TBC1D14: variants seen among roughly 807,000 people sequenced by gnomAD.
TBC1D14 encodes the protein TBC1 domain family member 14, also known as TBC1 domain family, member 14.
Under a neutral mutation model 79.0 loss-of-function variants are expected in TBC1D14, and 26 were observed. That is an observed-to-expected ratio of 0.33 (90% CI 0.24 to 0.46). TBC1D14 has a LOEUF of 0.46. Ranked by LOEUF, TBC1D14 falls within the 20% of genes least tolerant of loss-of-function variation. TBC1D14 has a pLI of 1.00. For synonymous variants in TBC1D14, 394 were observed against 349.9 expected (o/e 1.13, Z -1.40); for missense variants, 769 against 887.6 (o/e 0.87, Z 1.70).
At chr4:6,956,479 C>T (rs1272246296) in intron 2 of TBC1D14, among the ~76,000 whole-genome samples, 1 of 152,238 alleles carries the variant, frequency 6.6e-6, no homozygotes, top group African/African-American at 2.4e-5. Context: ...GCTGATGGCT[C>T]CTGCGCACGC....
chr4:6,950,530 T>C (rs1053700026), intron 2 of TBC1D14, among the ~76,000 whole-genome samples: 1 of 152,238 alleles, frequency 6.6e-6, no homozygotes, highest in African/African-American at 2.4e-5. Flanking sequence ...TTAAGTGTGA[T>C]GTTTGCCATA....
intron 3 of TBC1D14, among the ~76,000 whole-genome samples, chr4:6,978,182 C>G (rs866259600): frequency 1.4e-5 from 2 of 147,902 alleles, no homozygotes; most frequent in Admixed American, 6.7e-5. Context: ...TCTGCCCGGC[C>G]GCCCCTACTG....
chr4:7,018,221 G>C (rs1028945500), intron 12 of TBC1D14, among the ~76,000 whole-genome samples: 1 of 152,166 alleles, frequency 6.6e-6, no homozygotes, highest in Non-Finnish European at 1.5e-5. Context: ...TGCCTGGCGG[G>C]GTATAAAGCA....
intron 11 of TBC1D14, 115 bp downstream of exon 11, chr4:7,010,896 GT>G: frequency 7.7e-7 from 1 of 1,292,866 alleles, no homozygotes; most frequent in Non-Finnish European, 1.1e-6. Context: ...GTGAAGAGAT[GT>G]TTAGAGTAAG....
chr4:7,000,588 C>A (rs1055898202), intron 6 of TBC1D14, among the ~76,000 whole-genome samples: 1 of 152,226 alleles, frequency 6.6e-6, no homozygotes, highest in Non-Finnish European at 1.5e-5. Flanking sequence ...CGTGTCCCAG[C>A]AGAGCTGAAG....
chr4:6,944,588 C>T (rs1380452408), intron 2 of TBC1D14, among the ~76,000 whole-genome samples: 3 of 152,234 alleles, frequency 2.0e-5, no homozygotes, highest in African/African-American at 7.2e-5. Context: ...AGCCCAGCCT[C>T]TGTTTTACAA....
At chr4:7,014,302 A>G in intron 11 of TBC1D14, 146 bp from the exon 12 acceptor site, 1 of 587,834 alleles carries the variant, frequency 1.7e-6, no homozygotes, top group South Asian at 2.0e-5. Flanking sequence ...TTTGAATAGT[A>G]CCTACAATAA....
In TBC1D14 at chr4:6,987,279, A is replaced by C. The variant is rs1265985538; in HGVS notation, c.844-6905A>C. 3.0e-6 allele frequency: 4 copies of C among 1,336,404 alleles called. No homozygotes were observed. The East Asian group carries it at 1.3e-4, about 42-fold the overall frequency. The allele number at this position is 1,336,404 out of a possible 1,614,324, so 82.8% of individuals were successfully genotyped here. A position where few individuals can be genotyped will look rare whatever the true frequency, so the allele number is the denominator to read the frequency against. Reference sequence around the variant, plus strand: ...CCCGCCCGCGGTCCGGGAGGGAGGGAGGGAGGCCGGCCCTCCGCTCGCTGG... The same window carrying C: ...CCCGCCCGCGGTCCGGGAGGGAGGGCGGGAGGCCGGCCCTCCGCTCGCTGG... On this transcript the variant is annotated intron_variant, in intron 3 of 13. Transcript: ENST00000409757.
intron 2 of TBC1D14, among the ~76,000 whole-genome samples, chr4:6,943,466 C>T (rs1027319741): frequency 2.0e-5 from 3 of 152,212 alleles, no homozygotes; most frequent in Admixed American, 6.5e-5. Flanking sequence ...GTGTGGCCTA[C>T]GGGGCGTGCA....
At position 7,014,541 on chromosome 4, in the gene TBC1D14, A is replaced by G. The variant is rs907882489; in HGVS notation, c.1741A>G (p.Ile581Val). 6.2e-7 allele frequency: 1 copy of G among 1,611,682 alleles called. No homozygotes were observed. The highest frequency in any genetic ancestry group is 1.3e-5 in the African/African-American group (1 of 74,890). The change falls in exon 12 of 14, where the codon ATC becomes GTC. Residue 581 changes from isoleucine (I) to valine (V), a missense_variant. This residue lies in a region of TBC1D14 where 367 missense variants were observed against 494.4 expected (regional missense o/e 0.74). Coordinates refer to ENST00000409757, the MANE Select transcript of TBC1D14 (RefSeq NM_020773.3). Reference protein sequence around the residue: ...HFKKNNLTPDIYLIDWIFTLY... With the variant: ...HFKKNNLTPDVYLIDWIFTLY... ...CAAGAAGAACAACCTAACTCCAGATATCTACCTAATTGATTGGTAAGACTG... is the reference window on the plus strand; with the variant it reads ...CAAGAAGAACAACCTAACTCCAGATGTCTACCTAATTGATTGGTAAGACTG...
chr4:6,962,192 A>G (rs1351136320), intron 2 of TBC1D14, among the ~76,000 whole-genome samples: 1 of 152,142 alleles, frequency 6.6e-6, no homozygotes, highest in Non-Finnish European at 1.5e-5. Flanking sequence ...GCCAGCACCT[A>G]GGCGCTGTGC....
At position 6,909,863 on chromosome 4, in the gene TBC1D14, C is replaced by T. The variant is rs1238812568; in HGVS notation, c.-106C>T. ...GACCCGCTGCCTACCGCGTGCCCGGCGTCCTCGTCGCGCGAGTTGCCGGTC... is the reference window on the plus strand; with the variant it reads ...GACCCGCTGCCTACCGCGTGCCCGGTGTCCTCGTCGCGCGAGTTGCCGGTC... On this transcript the variant is annotated 5_prime_UTR_variant, in exon 1 of 14. Transcript: ENST00000409757. The T allele has an allele frequency of 6.7e-6, 1 of 148,162 alleles. No individual in the cohort carries two copies. Among genetic ancestry groups the T allele is most frequent in the South Asian group, 2.1e-4 (1 of 4,834 alleles). The allele number at this position is 148,162 out of a possible 1,614,324, so 9.2% of individuals were successfully genotyped here. A position where few individuals can be genotyped will look rare whatever the true frequency, so the allele number is the denominator to read the frequency against.
Position 6,999,187 on chromosome 4 carries a change from C to T in TBC1D14, c.1148C>T (p.Pro383Leu). ...AVLTWNNEIL[P>L]NWETMWCSRK... ...CTCACCTGGAATAATGAGATCTTACCTAACTGGGAAACAATGTAAGATGTG... is the reference window on the plus strand; with the variant it reads ...CTCACCTGGAATAATGAGATCTTACTTAACTGGGAAACAATGTAAGATGTG... The change falls in exon 6 of 14, where the codon CCT becomes CTT. Residue 383 changes from proline (P) to leucine (L), a missense_variant. Physicochemically the swap from Pro to Leu is moderately conservative, Grantham distance 98. Transcript: ENST00000409757. 1.2e-6 allele frequency: 2 copies of T among 1,613,678 alleles called. No individual in the cohort carries two copies. Among genetic ancestry groups the T allele is most frequent in the Non-Finnish European group, 1.7e-6 (2 of 1,179,628 alleles).
rs907771920 is a variant in TBC1D14 at position 6,923,457 on chromosome 4, C to T, written c.68C>T (p.Pro23Leu). ...TTCATGGGTATTCTGGATGGTCGAC[C>T]AGGAAACCCCCTTCAGAACCTGCAA... ...VAFMGILDGR[P>L]GNPLQNLQHV... The change falls in exon 2 of 14, where the codon CCA (proline) becomes CTA (leucine). Residue 23 changes from proline to leucine, a missense_variant. Physicochemically the swap from Pro to Leu is moderately conservative, Grantham distance 98 (BLOSUM62 -3). This residue lies in a region of TBC1D14 where 402 missense variants were observed against 393.2 expected (regional missense o/e 1.02). Transcript: ENST00000409757. 6.2e-7 allele frequency: 1 copy of T among 1,614,164 alleles called. No individual in the cohort carries two copies. Among genetic ancestry groups the T allele is most frequent in the Non-Finnish European group, 8.5e-7 (1 of 1,180,028 alleles).
At chr4:7,016,399 C>G (rs1182408977) in intron 12 of TBC1D14, among the ~76,000 whole-genome samples, 1 of 152,216 alleles carries the variant, frequency 6.6e-6, no homozygotes. Flanking sequence ...ACAGGCTGCC[C>G]CACCGTGTGC....
intron 2 of TBC1D14, among the ~76,000 whole-genome samples, chr4:6,947,585 C>G (rs1391208547): frequency 6.6e-6 from 1 of 151,492 alleles, no homozygotes; most frequent in Admixed American, 6.6e-5. Context: ...TCCCTTGAAC[C>G]CGGGAGGCGG....
intron 8 of TBC1D14, 87 bp downstream of exon 8, chr4:7,005,011 T>A (rs992183054): frequency 9.1e-6 from 11 of 1,215,022 alleles, no homozygotes; most frequent in Non-Finnish European, 1.3e-5. Context: ...TGACGTTAAC[T>A]ACAGTAGAGA....
At chr4:7,003,377 G>A (rs373441211) in intron 7 of TBC1D14, among the ~76,000 whole-genome samples, 5 of 152,350 alleles carry the variant, frequency 3.3e-5, no homozygotes, top group African/African-American at 1.2e-4. Flanking sequence ...CCAAAGCTTG[G>A]CCGGCCTCCT....
intron 2 of TBC1D14, among the ~76,000 whole-genome samples, chr4:6,936,714 C>T (rs1352384807): frequency 6.6e-6 from 1 of 152,164 alleles, no homozygotes; most frequent in African/African-American, 2.4e-5. Flanking sequence ...AACTGTCTTC[C>T]AAAGGGGCGA....
Sources: gnomAD v4.1 joint callset for allele counts (sites outside exome capture counted in the v4.1 genomes callset) on GRCh38, gnomAD v4.1.1 for gene constraint, gnomAD v4.1.1 regional missense constraint, MANE v1.5 for transcripts, NCBI Gene and HGNC (gene_info 2026-07-23, HGNC 2026-07-21) for gene names.